Variants in ERC1 observed in about 807,000 individuals in gnomAD.
The protein encoded by ERC1 is ELKS/RAB6-interacting/CAST family member 1.
In ERC1, 56 loss-of-function variants were observed where a neutral mutation model predicts 132.0. That is an observed-to-expected ratio of 0.42 (90% confidence interval 0.34 to 0.53). The LOEUF (loss-of-function observed/expected upper bound fraction) is 0.53, where lower values mean the gene tolerates loss of function less well. Ranked by LOEUF, ERC1 falls within the 20% of genes least tolerant of loss-of-function variation. ERC1 has a pLI of 0.03. For missense variants in ERC1, 1,202 were observed against 1,349.9 expected, an observed-to-expected ratio of 0.89 and a Z score of 1.72; for synonymous variants, 478 against 476.1, an observed-to-expected ratio of 1.00 and a Z score of -0.05.
intron 12 of ERC1, among the ~76,000 whole-genome samples, chr12:1,208,960 T>A (rs929175508): frequency 0.036 from 1,944 of 54,456 alleles, 22 homozygotes; most frequent in Non-Finnish European, 0.054. Flanking sequence ...CCAGCTGATT[T>A]TTTTTTTTTT....
At chr12:991,900 T>C (rs1251900564) in intron 1 of ERC1, 3 of 151,902 alleles carry the variant, frequency 2.0e-5, no homozygotes, top group Admixed American at 2.0e-4. Context: ...CATGTTGCCT[T>C]TGAGGCAGTT....
At chr12:1,408,796 A>G (rs1296806019) in intron 17 of ERC1, among the ~76,000 whole-genome samples, 1 of 152,210 alleles carries the variant, frequency 6.6e-6, no homozygotes, top group African/African-American at 2.4e-5. Context: ...CTTCTCATCA[A>G]TGCAAAAGAG....
intron 15 of ERC1, among the ~76,000 whole-genome samples, chr12:1,371,393 G>A (rs752064132): frequency 1.3e-5 from 2 of 152,202 alleles, no homozygotes; most frequent in African/African-American, 2.4e-5. Flanking sequence ...GCCTGAATGG[G>A]ATTCCTGGCT....
At chr12:1,459,346 C>T (rs1486319700) in intron 18 of ERC1, among the ~76,000 whole-genome samples, 1 of 152,076 alleles carries the variant, frequency 6.6e-6, no homozygotes, top group Non-Finnish European at 1.5e-5. Flanking sequence ...ATGTTGCTTA[C>T]AATTAGACTT....
At chr12:1,433,219 CTG>C (rs1350390836) in intron 17 of ERC1, among the ~76,000 whole-genome samples, 1 of 152,292 alleles carries the variant, frequency 6.6e-6, no homozygotes, top group East Asian at 1.9e-4. Context: ...AGGGAAGTAA[CTG>C]ACGTGAGAGC....
At chr12:1,486,522 T>C (rs1450575430) in intron 18 of ERC1, among the ~76,000 whole-genome samples, 1 of 152,138 alleles carries the variant, frequency 6.6e-6, no homozygotes, top group Non-Finnish European at 1.5e-5. Flanking sequence ...CCTCCCAGTT[T>C]CATGCAGTTC....
chr12:1,375,437 T>G (rs924198777), intron 16 of ERC1, among the ~76,000 whole-genome samples: 1 of 152,140 alleles, frequency 6.6e-6, no homozygotes, highest in African/African-American at 2.4e-5. Context: ...GAGATTTGGG[T>G]GGGGACGCAG....
At chr12:1,076,417 TG>T (rs1941354247) in intron 2 of ERC1, among the ~76,000 whole-genome samples, 1 of 146,110 alleles carries the variant, frequency 6.8e-6, no homozygotes, top group Non-Finnish European at 1.5e-5. Context: ...TTTTTGGAGA[TG>T]GAGTCTCACT....
chr12:1,218,709 C>A (rs1427976001), intron 12 of ERC1, among the ~76,000 whole-genome samples: 2 of 151,816 alleles, frequency 1.3e-5, no homozygotes, highest in East Asian at 1.9e-4. Flanking sequence ...ATCTCTGATA[C>A]CAGTGTCTCC....
At chr12:1,374,551 C>T (rs185390483) in intron 16 of ERC1, among the ~76,000 whole-genome samples, 1 of 152,318 alleles carries the variant, frequency 6.6e-6, no homozygotes, top group East Asian at 1.9e-4. Context: ...GTGTTCAGAC[C>T]TTAAGTCATG....
chr12:1,002,840 C>T (rs1015463056), intron 1 of ERC1, among the ~76,000 whole-genome samples: 14 of 151,802 alleles, frequency 9.2e-5, no homozygotes, highest in African/African-American at 3.1e-4. Context: ...CATGTCTTGC[C>T]CAATTTTATC....
chr12:1,032,938 C>A (rs1481165837), intron 2 of ERC1, among the ~76,000 whole-genome samples: 1 of 151,332 alleles, frequency 6.6e-6, no homozygotes. Flanking sequence ...AGTGGCGTAA[C>A]CTTGGCTCAC....
intron 15 of ERC1, among the ~76,000 whole-genome samples, chr12:1,341,137 A>C (rs2083844060): frequency 2.1e-5 from 2 of 97,266 alleles, no homozygotes; most frequent in South Asian, 7.4e-4. Context: ...TCTGTCGCCC[A>C]GGCTGGAGTG....
intron 18 of ERC1, among the ~76,000 whole-genome samples, chr12:1,485,606 G>C (rs1027119813): frequency 2.0e-5 from 3 of 152,016 alleles, no homozygotes; most frequent in Non-Finnish European, 2.9e-5. Context: ...TTTTCTATTA[G>C]GTTATAGGTT....
At chr12:1,208,812 TTC>T (rs1957576251) in intron 12 of ERC1, among the ~76,000 whole-genome samples, 1 of 152,176 alleles carries the variant, frequency 6.6e-6, no homozygotes, top group Non-Finnish European at 1.5e-5. Context: ...AGATGAGTCT[TTC>T]TCTTGTTACC....
chr12:1,251,021 C>G (rs969004583), intron 13 of ERC1, among the ~76,000 whole-genome samples: 1 of 152,250 alleles, frequency 6.6e-6, no homozygotes, highest in African/African-American at 2.4e-5. Context: ...TAAGCATATT[C>G]TCTTCTTAGA....
rs577026935 is a variant in ERC1, at chr12:1,061,119, C to G, written c.670-22045C>G. ...CTTCCTGGTCCGATCTTGGCAAGTT[C>G]TATATATCCAGGAATTTATCCATTC... On this transcript the variant is annotated intron_variant, in intron 2 of 18. Transcript: ENST00000360905. Among the ~76,000 whole-genome samples the G allele has an allele frequency of 2.5e-4, 38 of 152,194 alleles. 1 individual carries two copies. The South Asian group carries it at 7.7e-3, about 31-fold the overall frequency.
chr12:1,173,878 A>G (rs986378857), intron 8 of ERC1, among the ~76,000 whole-genome samples: 1 of 152,254 alleles, frequency 6.6e-6, no homozygotes, highest in Non-Finnish European at 1.5e-5. Context: ...ACCCATCATG[A>G]TGCTGAATTC....
chr12:1,242,870 A>G (rs924269123), intron 13 of ERC1, among the ~76,000 whole-genome samples: 1 of 152,232 alleles, frequency 6.6e-6, no homozygotes, highest in Non-Finnish European at 1.5e-5. Context: ...CTATTTACAT[A>G]GTGTTTACAT....
Sources: gnomAD v4.1 joint callset for allele counts (sites outside exome capture counted in the v4.1 genomes callset) on GRCh38, gnomAD v4.1.1 for gene constraint, MANE v1.5 for transcripts, NCBI Gene and HGNC (gene_info 2026-07-23, HGNC 2026-07-21) for gene names.